Variants in PTS observed in about 807,000 individuals in gnomAD.
The protein encoded by PTS is 6-pyruvoyltetrahydropterin synthase, also known as 6-pyruvoyl tetrahydrobiopterin synthase.
Under a neutral mutation model 20.6 loss-of-function variants are expected in PTS, and 23 were observed. That is an observed-to-expected ratio of 1.12 (90% CI 0.80 to 1.58). The LOEUF is 1.58. Ranked by LOEUF, PTS falls within the 40% of genes most tolerant of loss-of-function variation. The pLI, the probability that PTS is intolerant of heterozygous loss-of-function variation, is 0.00. For synonymous variants in PTS, 65 were observed against 62.5 expected, an observed-to-expected ratio of 1.04 and a Z score of -0.19; for missense variants, 186 against 182.4, an observed-to-expected ratio of 1.02 and a Z score of -0.11.
At chr11:112,226,619 C>G in intron 1 of PTS, 93 bp downstream of exon 1, 1 of 1,127,850 alleles carries the variant, frequency 8.9e-7, no homozygotes, top group Non-Finnish European at 1.2e-6. Context: ...GACGTCGGGC[C>G]CGGGAGGGGC....
intron 1 of PTS, among the ~76,000 whole-genome samples, chr11:112,226,982 G>T (rs536833804): frequency 3.1e-4 from 46 of 149,650 alleles, no homozygotes; most frequent in African/African-American, 1.1e-3. Flanking sequence ...CATATCTAAT[G>T]TAATTACAAG....
intron 1 of PTS, among the ~76,000 whole-genome samples, chr11:112,227,244 C>A (rs1386431381): frequency 6.6e-6 from 1 of 152,030 alleles, no homozygotes; most frequent in South Asian, 2.1e-4. Flanking sequence ...ATGACCATCG[C>A]TATCTAACAG....
In PTS at chr11:112,233,631, A is replaced by G. The variant is rs1412351640; in HGVS notation, c.*76A>G. 3.7e-6 allele frequency: 6 copies of G among 1,601,344 alleles called. No homozygotes were observed. Among genetic ancestry groups the G allele is most frequent in the East Asian group, 2.2e-5 (1 of 44,664 alleles). ...AGATTTTGATCCCCTTGGAATATTA[A>G]GAGGTCAACACGTGATTGTTGTACG... is the stretch of plus-strand genomic sequence containing the variant. On this transcript the variant is annotated 3_prime_UTR_variant, in exon 6 of 6. Transcript: ENST00000280362.
intron 1 of PTS, among the ~76,000 whole-genome samples, chr11:112,227,007 C>CT (rs1438135301): frequency 6.7e-6 from 1 of 149,966 alleles, no homozygotes; most frequent in Admixed American, 6.7e-5. Context: ...ATTTTAGCCC[C>CT]TTTTTTACCA....
rs377221164 is a variant in PTS, at chr11:112,233,247, T to G, written c.314+14T>G. The G allele has an allele frequency of 3.1e-6, 5 of 1,606,812 alleles. No individual in the cohort carries two copies. In the African/African-American group the frequency reaches 6.7e-5, roughly 21 times the overall value. On this transcript the variant is annotated intron_variant, in intron 5 of 5. Coordinates refer to ENST00000280362, the MANE Select transcript of PTS (RefSeq NM_000317.3). Reference sequence around the variant, plus strand: ...AGATGTGGTGAGGTGGGTGGCACTGTATCTTGCCTTATGTGGATTGTAAAA... The same window carrying G: ...AGATGTGGTGAGGTGGGTGGCACTGGATCTTGCCTTATGTGGATTGTAAAA...
chr11:112,233,644 T>C lies in PTS; in HGVS notation c.*89T>C. 6.3e-7 allele frequency: 1 copy of C among 1,588,254 alleles called. No homozygotes were observed. Among genetic ancestry groups the C allele is most frequent in the Admixed American group, 1.7e-5 (1 of 58,550 alleles). On this transcript the variant is annotated 3_prime_UTR_variant, in exon 6 of 6. Transcript: ENST00000280362. ...CTTGGAATATTAAGAGGTCAACACGTGATTGTTGTACGTACACATTGTGCT... is the reference window on the plus strand; with the variant it reads ...CTTGGAATATTAAGAGGTCAACACGCGATTGTTGTACGTACACATTGTGCT...
At chr11:112,228,021 G>T (rs1254940654) in intron 1 of PTS, among the ~76,000 whole-genome samples, 1 of 152,234 alleles carries the variant, frequency 6.6e-6, no homozygotes, top group African/African-American at 2.4e-5. Context: ...GCCAAAGATT[G>T]TAATTTTAAA....
At chr11:112,231,947 A>G (rs896542358) in intron 4 of PTS, among the ~76,000 whole-genome samples, 6 of 151,068 alleles carry the variant, frequency 4.0e-5, no homozygotes, top group African/African-American at 1.5e-4. Flanking sequence ...GGGGAAAGAA[A>G]GAAAAAGAAA....
chr11:112,226,480 C>T lies in PTS; in HGVS notation c.37C>T (p.Gln13Ter). The change falls in exon 1 of 6, where the codon CAA (glutamine) becomes TAA (stop). Residue 13 changes from glutamine to a stop codon, truncating the protein, a stop_gained. Transcript: ENST00000280362. LOFTEE classifies it high-confidence loss of function. Reference protein sequence around the residue: ...TEGGGRRCQAQVSRRISFSAS... With the variant: ...TEGGGRRCQA ...AGGTGGTGGCCGTCGCTGCCAGGCACAAGTGTCCCGCCGCATCTCCTTCAG... is the reference window on the plus strand; with the variant it reads ...AGGTGGTGGCCGTCGCTGCCAGGCATAAGTGTCCCGCCGCATCTCCTTCAG... The T allele has an allele frequency of 6.3e-7, 1 of 1,582,490 alleles. No homozygotes were observed. The highest frequency in any genetic ancestry group is 8.6e-7 in the Non-Finnish European group (1 of 1,166,548).
chr11:112,231,999 A>G (rs1001114970), intron 4 of PTS, among the ~76,000 whole-genome samples: 1 of 152,144 alleles, frequency 6.6e-6, no homozygotes, highest in South Asian at 2.1e-4. Flanking sequence ...ACAAGACAGC[A>G]ACATAAAAGG....
intron 2 of PTS, 52 bp from the exon 3 acceptor site, chr11:112,230,156 T>G: frequency 1.9e-6 from 3 of 1,551,096 alleles, no homozygotes; most frequent in Non-Finnish European, 2.7e-6. Flanking sequence ...GCTTGGATGT[T>G]GATCTGTTGA....
In PTS at chr11:112,233,211, C is replaced by T. The variant is rs1859964687; in HGVS notation, c.292C>T (p.Pro98Ser). ...TCATAAGAATCTGGATATGGATGTG[C>T]CATACTTTGCAGATGTGGTGAGGTG... ...LDHKNLDMDV[P>S]YFADVVSTTE... Residue 98 changes from proline (P) to serine (S), a missense_variant, in exon 5 of 6, where the codon CCA becomes TCA. Transcript: ENST00000280362. 1 of 1,613,838 alleles carries T rather than the reference C, an allele frequency of 6.2e-7. No homozygotes were observed. The highest frequency in any genetic ancestry group is 1.3e-5 in the African/African-American group (1 of 74,894).
chr11:112,233,123 A>C lies in PTS; in HGVS notation c.244-40A>C, dbSNP rs780464456. 7.6e-6 allele frequency: 12 copies of C among 1,570,790 alleles called. 1 individual carries two copies. The South Asian group carries it at 1.3e-4, about 17-fold the overall frequency. Reference sequence around the variant, plus strand: ...TGGAACAATTTGGAATTTGAGTCGTAAATGGAGTCAATGATATTTTCCCTT... The same window carrying C: ...TGGAACAATTTGGAATTTGAGTCGTCAATGGAGTCAATGATATTTTCCCTT... On this transcript the variant is annotated intron_variant, in intron 4 of 5. Coordinates refer to ENST00000280362, the MANE Select transcript of PTS (RefSeq NM_000317.3).
chr11:112,228,732 A>G (rs949341707), intron 2 of PTS, 59 bp downstream of exon 2: 60 of 1,455,086 alleles, frequency 4.1e-5, no homozygotes, highest in Non-Finnish European at 5.4e-5. Flanking sequence ...GTATTCAGCA[A>G]ATGTAGACAT....
Position 112,232,481 on chromosome 11 carries a change from T to A in PTS, c.244-682T>A, listed in dbSNP as rs540535430. ...GTTATTAATGTACCCTTCTTCAAAC[T>A]ACGTCCTATGGAAAATTACATTTTT... is the stretch of plus-strand genomic sequence containing the variant. On this transcript the variant is annotated intron_variant, in intron 4 of 5. Coordinates refer to ENST00000280362, the MANE Select transcript of PTS (RefSeq NM_000317.3). Among the ~76,000 whole-genome samples, 13 of 152,352 alleles carry A rather than the reference T, an allele frequency of 8.5e-5. No homozygotes were observed. In the South Asian group the frequency reaches 2.5e-3, roughly 29 times the overall value.
At chr11:112,230,103 A>C in intron 2 of PTS, 105 bp from the exon 3 acceptor site, 1 of 1,098,648 alleles carries the variant, frequency 9.1e-7, no homozygotes, top group Non-Finnish European at 1.4e-6. Flanking sequence ...GACAGATCTA[A>C]TAATTTATGT....
chr11:112,233,733 A>G lies in PTS; in HGVS notation c.*178A>G. On this transcript the variant is annotated 3_prime_UTR_variant, in exon 6 of 6. Coordinates refer to ENST00000280362, the MANE Select transcript of PTS (RefSeq NM_000317.3). The stretch of plus-strand genomic sequence containing the variant: ...TATAAATTTAAGTCTATTTAAAACT[A>G]AACTTGTAATATACATCCTGAAAAT... 2.5e-6 allele frequency: 2 copies of G among 789,766 alleles called. No individual in the cohort carries two copies. The highest frequency in any genetic ancestry group is 6.7e-5 in the South Asian group (2 of 29,740). 48.9% of individuals were successfully genotyped at this position (789,766 alleles called of 1,614,324 possible). A position where few individuals can be genotyped will look rare whatever the true frequency, so the allele number is the denominator to read the frequency against.
intron 1 of PTS, among the ~76,000 whole-genome samples, chr11:112,227,878 A>G (rs977662448): frequency 1.0e-4 from 14 of 139,716 alleles, no homozygotes; most frequent in African/African-American, 4.2e-4. Context: ...AATAATAAAG[A>G]GGATCTCAAA....
chr11:112,228,358 G>C (rs1477790688), intron 1 of PTS: 1 of 560,274 alleles, frequency 1.8e-6, no homozygotes, highest in African/African-American at 1.9e-5. Flanking sequence ...TTGAAGTTAA[G>C]GTTTGTTTGT....
Sources: gnomAD v4.1 joint callset for allele counts (sites outside exome capture counted in the v4.1 genomes callset) on GRCh38, gnomAD v4.1.1 for gene constraint, MANE v1.5 for transcripts, NCBI Gene and HGNC (gene_info 2026-07-23, HGNC 2026-07-21) for gene names.